GBF1: variants seen among roughly 807,000 people sequenced by gnomAD.
The protein encoded by GBF1 is Golgi-specific brefeldin A-resistance guanine nucleotide exchange factor 1.
GBF1 carries 114 observed loss-of-function variants against 210.5 expected under a neutral mutation model. The ratio of observed to expected loss-of-function variants is 0.54; its 90% CI spans 0.47 to 0.63. GBF1 has a LOEUF of 0.63. GBF1 is among the 30% of genes least tolerant of loss of function. The probability of loss-of-function intolerance (pLI) is 0.00; values close to 1 mark genes in which losing one functional copy is unlikely to be tolerated. For synonymous variants in GBF1, 850 were observed against 889.2 expected (o/e 0.96, Z 0.78); for missense variants, 1,851 against 2,357.7 (o/e 0.79, Z 4.45).
At chr10:102,374,122 G>C (rs545063561) in intron 29 of GBF1, among the ~76,000 whole-genome samples, 1 of 152,322 alleles carries the variant, frequency 6.6e-6, no homozygotes. Flanking sequence ...AACTGAGGCT[G>C]GTGAATCACT....
intron 38 of GBF1, 25 bp from the exon 39 acceptor site, chr10:102,381,102 C>G (rs751030552): frequency 6.2e-6 from 10 of 1,608,116 alleles, no homozygotes; most frequent in Non-Finnish European, 8.5e-6. Flanking sequence ...TAAGAGGTGC[C>G]ATCTCAATTC....
At chr10:102,365,119 A>G (rs1200859439) in intron 17 of GBF1, among the ~76,000 whole-genome samples, 4 of 152,230 alleles carry the variant, frequency 2.6e-5, no homozygotes. Flanking sequence ...TCTTTCTTCT[A>G]CTTTTCCCCC....
chr10:102,350,145 T>C (rs1284937188), intron 4 of GBF1, among the ~76,000 whole-genome samples: 3 of 151,856 alleles, frequency 2.0e-5, no homozygotes, highest in African/African-American at 7.3e-5. Context: ...AGGTCGGGAG[T>C]TCGAGACCAG....
chr10:102,301,402 A>G (rs1399487975), intron 3 of GBF1, among the ~76,000 whole-genome samples: 1 of 152,116 alleles, frequency 6.6e-6, no homozygotes, highest in Non-Finnish European at 1.5e-5. Flanking sequence ...CACAGCAACA[A>G]TCTGATTTCT....
intron 3 of GBF1, among the ~76,000 whole-genome samples, chr10:102,283,245 C>T (rs1389407607): frequency 6.6e-6 from 1 of 152,180 alleles, no homozygotes; most frequent in Admixed American, 6.5e-5. Context: ...GATCATTCTC[C>T]GTTTATGCTT....
chr10:102,376,603 G>A lies in GBF1; in HGVS notation c.4091G>A (p.Arg1364His), dbSNP rs202195022. The change falls in exon 32 of 40, where the codon CGC (arginine) becomes CAC (histidine). Residue 1364 changes from arginine to histidine, a missense_variant. Coordinates refer to ENST00000369983, the MANE Select transcript of GBF1 (RefSeq NM_001377137.1). ...DVDNSKPGPS[R>H]PGPSPLINQY... Reference sequence around the variant, plus strand: ...GATAACTCCAAGCCAGGGCCCAGCCGCCCAGGCCCTTCACCCCTGATCAAT... The same window carrying A: ...GATAACTCCAAGCCAGGGCCCAGCCACCCAGGCCCTTCACCCCTGATCAAT... The A allele has an allele frequency of 8.7e-6, 14 of 1,613,562 alleles. No homozygotes were observed. Among genetic ancestry groups the A allele is most frequent in the African/African-American group, 2.7e-5 (2 of 74,896 alleles).
At chr10:102,348,781 G>A (rs371614571) in intron 4 of GBF1, among the ~76,000 whole-genome samples, 7 of 152,194 alleles carry the variant, frequency 4.6e-5, no homozygotes, top group Non-Finnish European at 7.3e-5. Context: ...ATGTGGTGTC[G>A]GAGGCTAATG....
chr10:102,266,238 C>CA (rs58837022), intron 3 of GBF1, among the ~76,000 whole-genome samples: 161 of 140,940 alleles, frequency 1.1e-3, no homozygotes, highest in South Asian at 1.8e-3. Flanking sequence ...TACTCTGTCT[C>CA]AAAAAAAAAA....
chr10:102,239,086 G>C, the GBF1 span, among the ~76,000 whole-genome samples: 1 of 152,142 alleles, frequency 6.6e-6, no homozygotes, highest in African/African-American at 2.4e-5. Flanking sequence ...TTATGCTGTA[G>C]ATTTCCATCC....
chr10:102,315,060 G>T (rs2078815329), intron 3 of GBF1, among the ~76,000 whole-genome samples: 1 of 152,180 alleles, frequency 6.6e-6, no homozygotes, highest in East Asian at 1.9e-4. Context: ...TTCTGTTCAG[G>T]TGCTGCCCTA....
chr10:102,307,716 G>A (rs760124009), intron 3 of GBF1, among the ~76,000 whole-genome samples: 4 of 152,082 alleles, frequency 2.6e-5, no homozygotes, highest in Non-Finnish European at 4.4e-5. Context: ...GCGTGAACCC[G>A]GGAGGCAGAG....
At position 102,358,041 on chromosome 10, in the gene GBF1, GA is replaced by G; in HGVS notation, c.646del (p.Met216Ter). On this transcript the variant is annotated frameshift_variant, in exon 9 of 40. Coordinates refer to ENST00000369983, the MANE Select transcript of GBF1 (RefSeq NM_001377137.1). LOFTEE classifies it high-confidence loss of function. The stretch of plus-strand genomic sequence containing the variant: ...CTAATGGGGTATGATATTTCCAGCT[GA>G]AAATGAGAGCCGGAGGCATGAGTGA... ...NYVGTNMKKL[K>X]MRAGGMSDSS... 1 of 1,600,000 alleles carries G rather than the reference GA, an allele frequency of 6.3e-7. No individual in the cohort carries two copies. The highest frequency in any genetic ancestry group is 8.6e-7 in the Non-Finnish European group (1 of 1,167,158).
intron 30 of GBF1, 33 bp downstream of exon 30, chr10:102,375,617 A>G (rs201955616): frequency 4.0e-4 from 554 of 1,400,284 alleles, no homozygotes; most frequent in Non-Finnish European, 5.0e-4. Flanking sequence ...TCAGGCTGGC[A>G]GATAAACAGT....
intron 11 of GBF1, 90 bp downstream of exon 11, chr10:102,359,525 G>T: frequency 1.1e-6 from 1 of 893,952 alleles, no homozygotes; most frequent in Non-Finnish European, 1.8e-6. Context: ...CAAGATATTG[G>T]ACTACTGCCT....
upstream of GBF1, among the ~76,000 whole-genome samples, chr10:102,243,721 C>G (rs1001912308): frequency 6.6e-6 from 1 of 152,174 alleles, no homozygotes; most frequent in Non-Finnish European, 1.5e-5. Flanking sequence ...CCCTGACTCT[C>G]TTTGGGTGAT....
intron 3 of GBF1, among the ~76,000 whole-genome samples, chr10:102,312,017 C>T (rs1565095259): frequency 6.6e-6 from 1 of 152,102 alleles, no homozygotes; most frequent in African/African-American, 2.4e-5. Flanking sequence ...TCTCGCCGGG[C>T]GTGGTAGCTC....
intron 29 of GBF1, among the ~76,000 whole-genome samples, chr10:102,372,595 T>C (rs2060272185): frequency 1.3e-5 from 2 of 152,194 alleles, no homozygotes; most frequent in Non-Finnish European, 2.9e-5. Context: ...TGGAAAAGAA[T>C]AGAGAGACCA....
rs2058619622 is a variant in GBF1 at position 102,346,974 on chromosome 10, T to C, written c.295+2792T>C. ...GCATTACAATTATTTGCTCCTAATC[T>C]AGGCCAAATATTTCCCTTAATCTGT... On this transcript the variant is annotated intron_variant, in intron 4 of 39. Coordinates refer to ENST00000369983, the MANE Select transcript of GBF1 (RefSeq NM_001377137.1). Among the ~76,000 whole-genome samples the C allele has an allele frequency of 3.9e-5, 6 of 152,354 alleles. No homozygotes were observed. The South Asian group carries it at 1.2e-3, about 32-fold the overall frequency.
At chr10:102,259,480 G>A (rs1237640095) in intron 2 of GBF1, among the ~76,000 whole-genome samples, 1 of 152,084 alleles carries the variant, frequency 6.6e-6, no homozygotes, top group African/African-American at 2.4e-5. Context: ...CCAATCAGAT[G>A]AGTAAGAAAC....
Sources: gnomAD v4.1 joint callset for allele counts (sites outside exome capture counted in the v4.1 genomes callset) on GRCh38, gnomAD v4.1.1 for gene constraint, MANE v1.5 for transcripts, NCBI Gene and HGNC (gene_info 2026-07-23, HGNC 2026-07-21) for gene names.